The following SLC25A40 variants were observed in gnomAD, a reference collection of about 807,000 sequenced individuals.
SLC25A40 encodes the protein mitochondrial glutathione transporter SLC25A40.
SLC25A40 carries 41 observed loss-of-function variants against 46.5 expected under a neutral mutation model. The ratio of observed to expected loss-of-function variants is 0.88; its 90% CI spans 0.69 to 1.14. The LOEUF (loss-of-function observed/expected upper bound fraction) is 1.14. Ranked by LOEUF, SLC25A40 falls within the 50% of genes most tolerant of loss-of-function variation. The pLI, the probability that SLC25A40 is intolerant of heterozygous loss-of-function variation, is 0.00. For missense variants in SLC25A40, 386 were observed against 393.6 expected (o/e 0.98, Z 0.16); for synonymous variants, 126 against 127.5 (o/e 0.99, Z 0.08).
chr7:87,860,635 A>T lies in SLC25A40; in HGVS notation c.-88T>A, dbSNP rs771778771. On this transcript the variant is annotated 5_prime_UTR_variant, in exon 2 of 12. Coordinates refer to ENST00000341119, the MANE Select transcript of SLC25A40 (RefSeq NM_018843.4). ...TTTATTGTTTGTAACATCAGTAGCCAAAAACCTGTAATTAAGAAGAAAGTA... is the reference window on the plus strand; with the variant it reads ...TTTATTGTTTGTAACATCAGTAGCCTAAAACCTGTAATTAAGAAGAAAGTA... 3.3e-5 allele frequency: 5 copies of T among 152,202 alleles called. No individual in the cohort carries two copies. The highest frequency in any genetic ancestry group is 4.1e-4 in the South Asian group (2 of 4,824). The allele number at this position is 152,202 out of a possible 1,614,324, so 9.4% of individuals were successfully genotyped here. A position where few individuals can be genotyped will look rare whatever the true frequency, so the allele number is the denominator to read the frequency against.
chr7:87,857,176 C>T lies in SLC25A40; in HGVS notation c.98-825G>A, dbSNP rs550595362. Reference sequence around the variant, plus strand: ...TGAACCAGAGAAATTTAAGAAATTCCGTTAATGCAAAGTAAAGATTATTTG... The same window carrying T: ...TGAACCAGAGAAATTTAAGAAATTCTGTTAATGCAAAGTAAAGATTATTTG... On this transcript the variant is annotated intron_variant, in intron 3 of 11. Transcript: ENST00000341119. Among the ~76,000 whole-genome samples, 7 of 152,216 alleles carry T rather than the reference C, an allele frequency of 4.6e-5. No individual in the cohort carries two copies. The East Asian group carries it at 1.2e-3, about 25-fold the overall frequency.
In SLC25A40 at chr7:87,834,972, A is replaced by G. The variant is rs1451521579; in HGVS notation, c.*1277T>C. 1 of 151,494 alleles carries G rather than the reference A, an allele frequency of 6.6e-6. No individual in the cohort carries two copies. The highest frequency in any genetic ancestry group is 1.5e-5 in the Non-Finnish European group (1 of 67,646). 9.4% of individuals were successfully genotyped at this position (151,494 alleles called of 1,614,324 possible). On this transcript the variant is annotated 3_prime_UTR_variant, in exon 12 of 12. Transcript: ENST00000341119. ...AAACACTTTCCTACTATAGTACAAAATCAATTAGTTCCTCTACCAGCACTA... is the reference window on the plus strand; with the variant it reads ...AAACACTTTCCTACTATAGTACAAAGTCAATTAGTTCCTCTACCAGCACTA...
intron 10 of SLC25A40, chr7:87,837,019 T>C (rs1838266947): frequency 3.5e-6 from 1 of 282,756 alleles, no homozygotes; most frequent in Non-Finnish European, 6.6e-6. Flanking sequence ...TGTTTAAAGA[T>C]GTATAGGACT....
intron 10 of SLC25A40, among the ~76,000 whole-genome samples, chr7:87,838,359 A>T (rs1404038503): frequency 6.6e-6 from 1 of 151,488 alleles, no homozygotes; most frequent in African/African-American, 2.4e-5. Flanking sequence ...GGAAGGTGAA[A>T]TTAAGAGAAT....
At chr7:87,838,096 ATGATT>A (rs1838282242) in intron 10 of SLC25A40, among the ~76,000 whole-genome samples, 1 of 151,498 alleles carries the variant, frequency 6.6e-6, no homozygotes, top group Non-Finnish European at 1.5e-5. Context: ...ATGAAGCCTT[ATGATT>A]TAAGAAGCTG....
At chr7:87,854,401 T>C (rs972241031) in intron 4 of SLC25A40, 91 bp from the exon 5 acceptor site, 16 of 730,842 alleles carry the variant, frequency 2.2e-5, no homozygotes, top group Non-Finnish European at 3.4e-5. Context: ...ATGAGGAAAC[T>C]AGAAAATTAC....
chr7:87,874,732 T>C (rs1289424055), intron 1 of SLC25A40, among the ~76,000 whole-genome samples: 1 of 152,210 alleles, frequency 6.6e-6, no homozygotes, highest in Non-Finnish European at 1.5e-5. Context: ...CCCTGAGAAG[T>C]ACTACCCCCT....
intron 8 of SLC25A40, chr7:87,844,109 A>T (rs1319210240): frequency 4.7e-6 from 2 of 427,600 alleles, no homozygotes; most frequent in African/African-American, 4.3e-5. Flanking sequence ...CCAAAACCTG[A>T]CAAGGACAAC....
At chr7:87,872,070 A>G (rs114679049) in intron 1 of SLC25A40, among the ~76,000 whole-genome samples, 1,746 of 152,340 alleles carry the variant, frequency 0.011, 41 homozygotes, top group African/African-American at 0.04. Context: ...ACCATTTCAT[A>G]GACTGGAAGA....
chr7:87,856,696 A>G (rs1238231330), intron 3 of SLC25A40, among the ~76,000 whole-genome samples: 1 of 152,174 alleles, frequency 6.6e-6, no homozygotes, highest in Non-Finnish European at 1.5e-5. Flanking sequence ...ATAACTTTCT[A>G]TAAGTAATCA....
chr7:87,850,701 G>C (rs1486792126), intron 5 of SLC25A40, among the ~76,000 whole-genome samples: 4 of 151,814 alleles, frequency 2.6e-5, no homozygotes, highest in African/African-American at 9.7e-5. Context: ...CCAGCAGGGA[G>C]AGGCTGCACT....
intron 4 of SLC25A40, among the ~76,000 whole-genome samples, chr7:87,855,361 T>C (rs193254002): frequency 9.9e-5 from 15 of 152,284 alleles, no homozygotes; most frequent in Non-Finnish European, 1.9e-4. Context: ...TCATTCTCAA[T>C]GTACATAATG....
chr7:87,846,572 A>G (rs747191753), intron 8 of SLC25A40, among the ~76,000 whole-genome samples: 3 of 152,198 alleles, frequency 2.0e-5, no homozygotes, highest in Non-Finnish European at 2.9e-5. Context: ...AGGAGCCCAT[A>G]TAATTCCAAA....
intron 9 of SLC25A40, 67 bp downstream of exon 9, chr7:87,843,687 A>G (rs917345018): frequency 1.0e-5 from 12 of 1,177,056 alleles, no homozygotes; most frequent in Admixed American, 5.9e-5. Context: ...ATGAGATGCT[A>G]TATTTTGTTT....
intron 1 of SLC25A40, among the ~76,000 whole-genome samples, chr7:87,862,977 A>G (rs1240903080): frequency 6.6e-6 from 1 of 152,180 alleles, no homozygotes; most frequent in African/African-American, 2.4e-5. Flanking sequence ...TGTGGAAGCT[A>G]CAATTCAAGA....
chr7:87,838,502 T>C (rs1355535949), intron 10 of SLC25A40, among the ~76,000 whole-genome samples: 1 of 151,512 alleles, frequency 6.6e-6, no homozygotes, highest in Non-Finnish European at 1.5e-5. Flanking sequence ...AAGAAACACT[T>C]TTATTATTAA....
intron 5 of SLC25A40, among the ~76,000 whole-genome samples, chr7:87,850,393 T>C (rs1324829387): frequency 6.6e-6 from 1 of 152,142 alleles, no homozygotes; most frequent in Non-Finnish European, 1.5e-5. Context: ...TACAATTTGA[T>C]AACAAAAAGA....
chr7:87,851,954 G>A (rs1430212571), intron 5 of SLC25A40, among the ~76,000 whole-genome samples: 1 of 152,060 alleles, frequency 6.6e-6, no homozygotes, highest in Non-Finnish European at 1.5e-5. Flanking sequence ...AAAAAGATAG[G>A]CTTAAGTCCT....
At position 87,834,792 on chromosome 7, in the gene SLC25A40, T is replaced by C. The variant is rs1463825345; in HGVS notation, c.*1457A>G. On this transcript the variant is annotated 3_prime_UTR_variant, in exon 12 of 12. Coordinates refer to ENST00000341119, the MANE Select transcript of SLC25A40 (RefSeq NM_018843.4). ...GTAAAAATATTTAGAAGCACAGTGATGATTTTAAGAAGCCATAAAACATTT... is the reference window on the plus strand; with the variant it reads ...GTAAAAATATTTAGAAGCACAGTGACGATTTTAAGAAGCCATAAAACATTT... The C allele has an allele frequency of 1.3e-5, 2 of 151,674 alleles. No homozygotes were observed. Among genetic ancestry groups the C allele is most frequent in the Non-Finnish European group, 3.0e-5 (2 of 67,712 alleles). 9.4% of individuals were successfully genotyped at this position (151,674 alleles called of 1,614,324 possible).
Sources: allele counts gnomAD v4.1 joint callset (sites outside exome capture counted in the v4.1 genomes callset), GRCh38; gene constraint gnomAD v4.1.1; transcripts MANE v1.5; gene names NCBI Gene and HGNC (gene_info 2026-07-23, HGNC 2026-07-21).